The following ANK2 variants were observed in gnomAD, a reference collection of about 807,000 sequenced individuals.
The protein encoded by ANK2 is ankyrin-2.
ANK2 carries 83 observed loss-of-function variants against 360.5 expected under a neutral mutation model. The observed-to-expected ratio is 0.23, with a 90% confidence interval of 0.19 to 0.28. ANK2 has a LOEUF of 0.28. Among genes scored for constraint, ANK2 ranks in the 10% least tolerant of loss-of-function variants. ANK2 has a pLI of 1.00. For synonymous variants in ANK2, 1,740 were observed against 1,759.5 expected, an observed-to-expected ratio of 0.99 and a Z score of 0.28; for missense variants, 4,201 against 4,795.7, an observed-to-expected ratio of 0.88 and a Z score of 3.66.
rs1247730042 is a variant in ANK2 at position 113,274,648 on chromosome 4, A to G, written c.1682A>G (p.Lys561Arg). The G allele has an allele frequency of 8.7e-6, 14 of 1,613,918 alleles. No homozygotes were observed. The highest frequency in any genetic ancestry group is 1.2e-5 in the Non-Finnish European group (14 of 1,180,010). ...GGAGCAGCCCACTCCTTAGCTACCA[A>G]GGTAAGGAGAATGACATCATGAGAA... ...EAGAAHSLATKKGFTPLHVAA... is the reference protein window; with the variant it reads ...EAGAAHSLATRKGFTPLHVAA... The change falls in exon 15 of 46, where the codon AAG (lysine) becomes AGG (arginine). Residue 561 changes from lysine to arginine, a missense_variant and splice_region_variant. Physicochemically the swap from Lys to Arg is conservative, Grantham distance 26. Transcript: ENST00000357077.
At chr4:112,982,269 G>C (rs2043337354) in intron 2 of ANK2, among the ~76,000 whole-genome samples, 1 of 152,040 alleles carries the variant, frequency 6.6e-6, no homozygotes. Context: ...AGTTAGAGGT[G>C]AATAATCTCC....
chr4:113,271,442 A>T (rs2058456649), intron 14 of ANK2, among the ~76,000 whole-genome samples: 1 of 150,782 alleles, frequency 6.6e-6, no homozygotes, highest in Non-Finnish European at 1.5e-5. Context: ...TTACCTCTTG[A>T]TTTCTCACCG....
intron 1 of ANK2, among the ~76,000 whole-genome samples, chr4:113,172,620 C>G (rs184626488): frequency 2.2e-4 from 34 of 152,220 alleles, no homozygotes; most frequent in African/African-American, 8.2e-4. Flanking sequence ...TAAGCATCTG[C>G]TTTATGTACA....
At chr4:113,057,511 G>A (rs886163068) in intron 1 of ANK2, among the ~76,000 whole-genome samples, 5 of 152,142 alleles carry the variant, frequency 3.3e-5, no homozygotes, top group African/African-American at 1.2e-4. Flanking sequence ...ACTCTGACAT[G>A]GTTGTCCTTG....
rs1202935205 is a variant in ANK2 at position 113,258,345 on chromosome 4, C to T, written c.1320C>T (p.Phe440=). 4.3e-6 allele frequency: 7 copies of T among 1,614,024 alleles called. No individual in the cohort carries two copies. In the African/African-American group the frequency reaches 8.0e-5, roughly 18 times the overall value. ...SGLTPIHVAA[F]MGHLNIVLLL... is the part of the protein sequence containing the mutation. ...TCACACCAATACATGTGGCTGCCTT[C>T]ATGGGCCACTTGAACATTGTCCTCC... The change falls in exon 13 of 46, where the codon TTC becomes TTT. Residue 440 remains phenylalanine, a synonymous_variant. Coordinates refer to ENST00000357077, the MANE Select transcript of ANK2 (RefSeq NM_001148.6).
chr4:112,719,705 C>A, the ANK2 span, among the ~76,000 whole-genome samples: 93 of 142,328 alleles, frequency 6.5e-4, no homozygotes, highest in African/African-American at 2.4e-3. Flanking sequence ...CCAGCCTGGG[C>A]GACAGAGCGA....
chr4:113,032,019 G>A (rs1213535213), intron 2 of ANK2, among the ~76,000 whole-genome samples: 1 of 151,942 alleles, frequency 6.6e-6, no homozygotes, highest in Non-Finnish European at 1.5e-5. Flanking sequence ...GAGCCCAATC[G>A]AGTACTTTAG....
At chr4:112,913,828 G>A (rs377001148) in intron 2 of ANK2, among the ~76,000 whole-genome samples, 1 of 152,062 alleles carries the variant, frequency 6.6e-6, no homozygotes, top group South Asian at 2.1e-4. Flanking sequence ...ATAAAAATGA[G>A]TCAATTTGCC....
At chr4:112,915,302 G>A (rs923820771) in intron 2 of ANK2, among the ~76,000 whole-genome samples, 7 of 152,076 alleles carry the variant, frequency 4.6e-5, no homozygotes, top group African/African-American at 1.7e-4. Flanking sequence ...ATTTGTGTAC[G>A]TCAAACTTGA....
intron 2 of ANK2, among the ~76,000 whole-genome samples, chr4:113,031,859 A>G (rs550479271): frequency 1.3e-5 from 2 of 152,156 alleles, no homozygotes; most frequent in East Asian, 3.9e-4. Flanking sequence ...ACCTGCAGGA[A>G]ACTCTATGTG....
At chr4:113,289,119 A>G (rs1409061928) in intron 20 of ANK2, among the ~76,000 whole-genome samples, 1 of 152,012 alleles carries the variant, frequency 6.6e-6, no homozygotes, top group African/African-American at 2.4e-5. Context: ...AACTGTGGCT[A>G]TTATGCATAC....
chr4:112,782,049 C>T, the ANK2 span, among the ~76,000 whole-genome samples: 1 of 151,998 alleles, frequency 6.6e-6, no homozygotes, highest in Non-Finnish European at 1.5e-5. Context: ...AGGCTAGTCT[C>T]GAACTCCTGA....
At chr4:113,367,902 T>C (rs377188769) in intron 42 of ANK2, 51 bp downstream of exon 42, 45 of 1,602,780 alleles carry the variant, frequency 2.8e-5, no homozygotes, top group African/African-American at 4.0e-5. Context: ...AAACAGGCTA[T>C]TGTGGATGCC....
At chr4:112,721,578 A>G in the ANK2 span, among the ~76,000 whole-genome samples, 2 of 144,864 alleles carry the variant, frequency 1.4e-5, no homozygotes, top group African/African-American at 5.0e-5. Context: ...AAGGTTGGCT[A>G]CCCTGAAGAC....
rs2039178126 is a variant in ANK2, at chr4:112,970,623, A to G, written c.21+66109A>G. Among the ~76,000 whole-genome samples the G allele has an allele frequency of 2.6e-5, 4 of 152,118 alleles. No homozygotes were observed. The South Asian group carries it at 8.3e-4, about 32-fold the overall frequency. On this transcript the variant is annotated intron_variant, in intron 2 of 30. Coordinates refer to the ANK2 transcript ENST00000503271. ...CCTGCTTCTTTTAATTTATTTCTAC[A>G]TAGGTTTATTCTACAAATGTTTCAG...
chr4:112,745,828 C>T, the ANK2 span, among the ~76,000 whole-genome samples: 14 of 152,182 alleles, frequency 9.2e-5, no homozygotes, highest in Admixed American at 8.5e-4. Flanking sequence ...CCACTGCGCC[C>T]GGCCCCAATT....
chr4:113,296,370 T>C (rs1405413473), intron 22 of ANK2, among the ~76,000 whole-genome samples: 1 of 152,184 alleles, frequency 6.6e-6, no homozygotes, highest in Non-Finnish European at 1.5e-5. Context: ...TAAAAGTTAA[T>C]GTTATTACCG....
At chr4:113,123,680 A>G (rs533429297) in intron 1 of ANK2, among the ~76,000 whole-genome samples, 5 of 152,254 alleles carry the variant, frequency 3.3e-5, no homozygotes, top group South Asian at 4.1e-4. Context: ...CCCATTCATA[A>G]TAAGTCAGAA....
chr4:112,940,610 C>G (rs191180111), intron 2 of ANK2, among the ~76,000 whole-genome samples: 3 of 152,232 alleles, frequency 2.0e-5, no homozygotes, highest in African/African-American at 7.2e-5. Flanking sequence ...ATTAGAGTAG[C>G]CATCAGTATC....
Sources: allele counts gnomAD v4.1 joint callset (sites outside exome capture counted in the v4.1 genomes callset), GRCh38; gene constraint gnomAD v4.1.1; transcripts MANE v1.5; gene names NCBI Gene and HGNC (gene_info 2026-07-23, HGNC 2026-07-21).